NRG3: variants seen among roughly 807,000 people sequenced by gnomAD.
NRG3 encodes the protein neuregulin 3, also known as pro-neuregulin-3, membrane-bound isoform.
A neutral mutation model predicts 66.9 loss-of-function variants in NRG3; 31 were observed. That is an observed-to-expected ratio of 0.46 (90% CI 0.35 to 0.63). The LOEUF (loss-of-function observed/expected upper bound fraction) is 0.63, where lower values mean the gene tolerates loss of function less well. Ranked by LOEUF, NRG3 falls within the 20% of genes least tolerant of loss-of-function variation. The pLI is 0.00. For synonymous variants in NRG3, 393 were observed against 359.4 expected (o/e 1.09, Z -1.06); for missense variants, 910 against 878.9 (o/e 1.04, Z -0.45).
At position 82,743,374 on chromosome 10, in the gene NRG3, G is replaced by T. The variant is rs559662131; in HGVS notation, c.1027+4724G>T. Among the ~76,000 whole-genome samples the T allele has an allele frequency of 2.0e-5, 3 of 152,180 alleles. No individual in the cohort carries two copies. The East Asian group carries it at 5.8e-4, about 29-fold the overall frequency. ...GATGCTAGGAGCCTGGTCTGGATGTGATTCAGAGGAAGACTGGTGAAAAAT... is the reference window on the plus strand; with the variant it reads ...GATGCTAGGAGCCTGGTCTGGATGTTATTCAGAGGAAGACTGGTGAAAAAT... On this transcript the variant is annotated intron_variant, in intron 3 of 8. Transcript: ENST00000372141.
intron 2 of NRG3, among the ~76,000 whole-genome samples, chr10:82,522,892 C>A (rs974544961): frequency 1.3e-5 from 2 of 152,134 alleles, no homozygotes; most frequent in African/African-American, 4.8e-5. Flanking sequence ...CTCAGAAAGA[C>A]CCCTGTAGGC....
At chr10:82,679,454 A>G (rs1300361094) in intron 2 of NRG3, among the ~76,000 whole-genome samples, 1 of 152,244 alleles carries the variant, frequency 6.6e-6, no homozygotes, top group Non-Finnish European at 1.5e-5. Flanking sequence ...TAATAATATA[A>G]TAGTTAATAT....
intron 1 of NRG3, among the ~76,000 whole-genome samples, chr10:81,997,800 C>A (rs1231887471): frequency 6.6e-6 from 1 of 151,822 alleles, no homozygotes; most frequent in Non-Finnish European, 1.5e-5. Context: ...TACGTAATGT[C>A]TCCCTAGCTG....
At chr10:82,406,445 C>T (rs1317206322) in intron 2 of NRG3, among the ~76,000 whole-genome samples, 1 of 152,170 alleles carries the variant, frequency 6.6e-6, no homozygotes. Context: ...TTAAATGACC[C>T]TGGTTCCACT....
At chr10:81,882,608 G>A (rs1345220782) in intron 1 of NRG3, among the ~76,000 whole-genome samples, 1 of 152,108 alleles carries the variant, frequency 6.6e-6, no homozygotes, top group Non-Finnish European at 1.5e-5. Flanking sequence ...TCCCGAAAGA[G>A]TTTATAAGCT....
intron 2 of NRG3, among the ~76,000 whole-genome samples, chr10:82,683,060 G>A (rs1221297824): frequency 3.6e-5 from 5 of 137,884 alleles, no homozygotes; most frequent in East Asian, 2.5e-4. Flanking sequence ...CCGGGTTCAC[G>A]CCATTCTCCT....
At chr10:81,907,093 A>G (rs1018015663) in intron 1 of NRG3, among the ~76,000 whole-genome samples, 1 of 152,170 alleles carries the variant, frequency 6.6e-6, no homozygotes, top group Non-Finnish European at 1.5e-5. Context: ...TGATCTTAGG[A>G]AAAATAGCAC....
chr10:82,455,488 A>G lies in NRG3; in HGVS notation c.953+96620A>G, dbSNP rs1337469191. On this transcript the variant is annotated intron_variant, in intron 2 of 8. Transcript: ENST00000372141. ...TGGTACCATTGTACAGGGCACTTAC[A>G]TAGAGCTTGAAGGCCTGGAAGTTGC... 2.6e-5 allele frequency among the ~76,000 whole-genome samples: 4 copies of G among 152,188 alleles called. 1 individual carries two copies. Among genetic ancestry groups the G allele is most frequent in the Admixed American group, 6.5e-5 (1 of 15,280 alleles).
At chr10:82,726,791 C>A (rs1053418180) in intron 2 of NRG3, among the ~76,000 whole-genome samples, 1 of 151,724 alleles carries the variant, frequency 6.6e-6, no homozygotes, top group Non-Finnish European at 1.5e-5. Context: ...GGGCTCAGAA[C>A]TAGAAAGGAA....
At position 82,043,379 on chromosome 10, in the gene NRG3, T is replaced by A. The variant is rs189935155; in HGVS notation, c.823+167216T>A. 3.7e-4 allele frequency among the ~76,000 whole-genome samples: 57 copies of A among 152,124 alleles called. No homozygotes were observed. The East Asian group carries it at 9.3e-3, about 25-fold the overall frequency. ...GTTGGCTCAGAATAAAACTTTTTTT[T>A]AAAAAAAGCTAAAATTATCTCTTTG... On this transcript the variant is annotated intron_variant, in intron 1 of 8. Coordinates refer to ENST00000372141, the MANE Select transcript of NRG3 (RefSeq NM_001010848.4).
intron 1 of NRG3, among the ~76,000 whole-genome samples, chr10:82,121,095 A>C (rs2068062119): frequency 6.6e-6 from 1 of 152,066 alleles, no homozygotes; most frequent in Non-Finnish European, 1.5e-5. Flanking sequence ...CCAACTGGTA[A>C]ATTCTCTGGT....
intron 2 of NRG3, among the ~76,000 whole-genome samples, chr10:82,388,784 A>G (rs763118905): frequency 2.0e-5 from 3 of 152,222 alleles, no homozygotes; most frequent in Non-Finnish European, 4.4e-5. Flanking sequence ...TCATCTTTCT[A>G]ACATTGATTC....
chr10:82,029,561 C>T (rs996878405), intron 1 of NRG3, among the ~76,000 whole-genome samples: 1 of 151,974 alleles, frequency 6.6e-6, no homozygotes, highest in Middle Eastern at 3.2e-3. Flanking sequence ...CAAGGGTGAC[C>T]AGCTTGAACG....
intron 1 of NRG3, among the ~76,000 whole-genome samples, chr10:82,322,955 T>A (rs1306952360): frequency 2.0e-5 from 3 of 152,328 alleles, no homozygotes; most frequent in African/African-American, 7.2e-5. Context: ...CAGTTCCGTC[T>A]GGCGTACTGT....
chr10:82,465,666 G>A (rs1840599533), intron 2 of NRG3, among the ~76,000 whole-genome samples: 1 of 152,060 alleles, frequency 6.6e-6, no homozygotes, highest in South Asian at 2.1e-4. Flanking sequence ...CCAGGGCCCA[G>A]AACCTGGGCT....
At position 82,474,054 on chromosome 10, in the gene NRG3, A is replaced by T. The variant is rs76346780; in HGVS notation, c.953+115186A>T. 5.8e-3 allele frequency among the ~76,000 whole-genome samples: 890 copies of T among 152,212 alleles called. 9 individuals are homozygous for T. Among genetic ancestry groups the T allele is most frequent in the African/African-American group, 0.021 (854 of 41,538 alleles). On this transcript the variant is annotated intron_variant, in intron 2 of 8. Transcript: ENST00000372141. ...GACCAGGAATATACATGTTCAGAAC[A>T]GTCCCTCAAGCCTTAAGAGAGGACT...
intron 1 of NRG3, among the ~76,000 whole-genome samples, chr10:82,297,501 T>C (rs578216949): frequency 6.6e-6 from 1 of 152,084 alleles, no homozygotes; most frequent in South Asian, 2.1e-4. Flanking sequence ...TTATAGGAGC[T>C]TTTGACTGGT....
intron 2 of NRG3, among the ~76,000 whole-genome samples, chr10:82,671,980 A>G (rs946699035): frequency 6.6e-6 from 1 of 152,174 alleles, no homozygotes; most frequent in Non-Finnish European, 1.5e-5. Flanking sequence ...TTAAATGGTT[A>G]TGTTTCCCAA....
chr10:82,831,362 A>T (rs1174326982), intron 3 of NRG3, among the ~76,000 whole-genome samples: 2 of 152,206 alleles, frequency 1.3e-5, no homozygotes, highest in Non-Finnish European at 2.9e-5. Flanking sequence ...AGCCAAAAAG[A>T]ATCTGCCTTA....
Sources: allele counts gnomAD v4.1 joint callset (sites outside exome capture counted in the v4.1 genomes callset), GRCh38; gene constraint gnomAD v4.1.1; transcripts MANE v1.5; gene names NCBI Gene and HGNC (gene_info 2026-07-23, HGNC 2026-07-21).